Variants in RUNDC3B observed in about 807,000 individuals in gnomAD.
The protein encoded by RUNDC3B is RUN domain-containing protein 3B.
Under a neutral mutation model 58.4 loss-of-function variants are expected in RUNDC3B, and 33 were observed. That is an observed-to-expected ratio of 0.56 (90% CI 0.43 to 0.75). The LOEUF (loss-of-function observed/expected upper bound fraction) is 0.75. RUNDC3B is among the 30% of genes least tolerant of loss of function. The probability of loss-of-function intolerance (pLI) is 0.00; values close to 1 mark genes in which losing one functional copy is unlikely to be tolerated. For synonymous variants in RUNDC3B, 193 were observed against 195.2 expected (o/e 0.99, Z 0.10); for missense variants, 501 against 535.7 (o/e 0.94, Z 0.64).
At chr7:87,653,612 A>G (rs941209735) in intron 2 of RUNDC3B, among the ~76,000 whole-genome samples, 1 of 152,136 alleles carries the variant, frequency 6.6e-6, no homozygotes, top group African/African-American at 2.4e-5. Context: ...TCTTATGTAT[A>G]TGAAACCAAC....
At chr7:87,693,617 G>C (rs979587837) in intron 2 of RUNDC3B, among the ~76,000 whole-genome samples, 1 of 152,116 alleles carries the variant, frequency 6.6e-6, no homozygotes, top group Admixed American at 6.5e-5. Context: ...ATCTGAGAAA[G>C]AATGATGGAG....
At chr7:87,696,658 A>C (rs1828517567) in intron 2 of RUNDC3B, among the ~76,000 whole-genome samples, 1 of 152,182 alleles carries the variant, frequency 6.6e-6, no homozygotes. Context: ...TCACTTTGGA[A>C]GTGATGCACA....
At chr7:87,720,570 G>A (rs1463881619) in intron 4 of RUNDC3B, among the ~76,000 whole-genome samples, 4 of 150,686 alleles carry the variant, frequency 2.7e-5, no homozygotes, top group Non-Finnish European at 4.4e-5. Flanking sequence ...GTGTGTGTGT[G>A]TGTGTATGCA....
intron 4 of RUNDC3B, among the ~76,000 whole-genome samples, chr7:87,713,548 C>T (rs983142595): frequency 2.0e-5 from 3 of 150,894 alleles, no homozygotes; most frequent in Admixed American, 6.6e-5. Flanking sequence ...ACAAAAACCT[C>T]GAAGAGTTAC....
At chr7:87,661,985 G>A (rs1243693808) in intron 2 of RUNDC3B, among the ~76,000 whole-genome samples, 1 of 151,968 alleles carries the variant, frequency 6.6e-6, no homozygotes, top group East Asian at 1.9e-4. Flanking sequence ...CTTTTGATTT[G>A]CATTTATCTG....
At chr7:87,810,863 A>G (rs1473545999) in intron 9 of RUNDC3B, among the ~76,000 whole-genome samples, 1 of 152,174 alleles carries the variant, frequency 6.6e-6, no homozygotes, top group African/African-American at 2.4e-5. Flanking sequence ...ATTTAACATG[A>G]TACCATGTAA....
At chr7:87,768,287 G>A (rs914632083) in intron 6 of RUNDC3B, among the ~76,000 whole-genome samples, 11 of 152,154 alleles carry the variant, frequency 7.2e-5, no homozygotes, top group African/African-American at 2.7e-4. Flanking sequence ...GTGCTTTGGT[G>A]GGCTGCACCT....
At chr7:87,629,045 G>C in intron 1 of RUNDC3B, 100 bp downstream of exon 1, 1 of 1,110,730 alleles carries the variant, frequency 9.0e-7, no homozygotes, top group Non-Finnish European at 1.2e-6. Flanking sequence ...ATGGGCTGCC[G>C]CCCAGTGCCC....
chr7:87,701,148 A>G (rs1829002519), intron 3 of RUNDC3B, among the ~76,000 whole-genome samples: 1 of 152,270 alleles, frequency 6.6e-6, no homozygotes, highest in African/African-American at 2.4e-5. Context: ...AAACACTTGT[A>G]CAATTCTTTG....
intron 8 of RUNDC3B, among the ~76,000 whole-genome samples, chr7:87,798,076 T>A (rs1171808620): frequency 6.6e-6 from 1 of 152,224 alleles, no homozygotes; most frequent in African/African-American, 2.4e-5. Context: ...GTGCTTGCTC[T>A]CTATTTACTC....
In RUNDC3B at chr7:87,739,900, C is replaced by T; in HGVS notation, c.548+20C>T. 7.9e-7 allele frequency: 1 copy of T among 1,258,522 alleles called. No homozygotes were observed. The highest frequency in any genetic ancestry group is 1.1e-6 in the Non-Finnish European group (1 of 878,422). 78.0% of individuals were successfully genotyped at this position (1,258,522 alleles called of 1,614,324 possible). ...TTTCAGGTACTTAACCAAATGCATTCAGTTTTTAAATTATTCTATATCTTA... is the reference window on the plus strand; with the variant it reads ...TTTCAGGTACTTAACCAAATGCATTTAGTTTTTAAATTATTCTATATCTTA... On this transcript the variant is annotated intron_variant, in intron 5 of 10. Coordinates refer to ENST00000394654, the MANE Select transcript of RUNDC3B (RefSeq NM_001134405.2).
intron 4 of RUNDC3B, chr7:87,713,108 A>G (rs1006064537): frequency 2.0e-5 from 3 of 152,204 alleles, no homozygotes; most frequent in Non-Finnish European, 4.4e-5. Flanking sequence ...AAATATATTC[A>G]TAAGATTAGA....
chr7:87,646,325 A>G (rs10246878), intron 1 of RUNDC3B, among the ~76,000 whole-genome samples: 127,843 of 152,100 alleles, frequency 0.84, 54,387 homozygotes, highest in East Asian at 0.99. Flanking sequence ...TAGTTTGTTA[A>G]GTAATCTAGT....
At chr7:87,809,621 T>C (rs1238827662) in intron 9 of RUNDC3B, among the ~76,000 whole-genome samples, 1 of 152,216 alleles carries the variant, frequency 6.6e-6, no homozygotes, top group Non-Finnish European at 1.5e-5. Flanking sequence ...TCTAATGTAA[T>C]CCTGTATCTT....
chr7:87,731,673 T>C (rs1831586196), intron 4 of RUNDC3B, among the ~76,000 whole-genome samples: 1 of 152,004 alleles, frequency 6.6e-6, no homozygotes, highest in Admixed American at 6.6e-5. Context: ...AAGAGGCAAA[T>C]GTCAGAATAT....
At chr7:87,631,253 T>A (rs1057034709) in intron 1 of RUNDC3B, among the ~76,000 whole-genome samples, 6 of 152,260 alleles carry the variant, frequency 3.9e-5, no homozygotes, top group African/African-American at 1.4e-4. Context: ...ATAGGCCATT[T>A]GTACATTTTA....
intron 2 of RUNDC3B, among the ~76,000 whole-genome samples, chr7:87,666,583 T>C (rs1825274113): frequency 6.6e-6 from 1 of 152,164 alleles, no homozygotes; most frequent in Non-Finnish European, 1.5e-5. Flanking sequence ...TCCAGGATGG[T>C]ATTTCCTATG....
chr7:87,664,180 G>T (rs1353388115), intron 2 of RUNDC3B, among the ~76,000 whole-genome samples: 1 of 151,972 alleles, frequency 6.6e-6, no homozygotes, highest in Non-Finnish European at 1.5e-5. Context: ...ATACAGGGTA[G>T]CCAGGCATGG....
chr7:87,810,201 G>T (rs1453265523), intron 9 of RUNDC3B, among the ~76,000 whole-genome samples: 1 of 152,188 alleles, frequency 6.6e-6, no homozygotes, highest in Non-Finnish European at 1.5e-5. Flanking sequence ...GTTATACAGA[G>T]TTTATCTGAG....
Sources: allele counts gnomAD v4.1 joint callset (sites outside exome capture counted in the v4.1 genomes callset), GRCh38; gene constraint gnomAD v4.1.1; transcripts MANE v1.5; gene names NCBI Gene and HGNC (gene_info 2026-07-23, HGNC 2026-07-21).